The following CAMK1D variants were observed in gnomAD, a reference collection of about 807,000 sequenced individuals.
The protein encoded by CAMK1D is calcium/calmodulin dependent protein kinase ID.
A neutral mutation model predicts 47.7 loss-of-function variants in CAMK1D; 9 were observed. The ratio of observed to expected loss-of-function variants is 0.19; its 90% CI spans 0.11 to 0.33. The LOEUF (loss-of-function observed/expected upper bound fraction) is 0.33, where lower values mean the gene tolerates loss of function less well. Ranked by LOEUF, CAMK1D falls within the 10% of genes least tolerant of loss-of-function variation. The pLI is 1.00. For missense variants in CAMK1D, 291 were observed against 488.7 expected (o/e 0.60, Z 3.81); for synonymous variants, 184 against 184.9 (o/e 0.99, Z 0.04).
intron 1 of CAMK1D, among the ~76,000 whole-genome samples, chr10:12,395,907 A>G (rs1282779037): frequency 6.6e-6 from 1 of 151,664 alleles, no homozygotes; most frequent in African/African-American, 2.4e-5. Context: ...AGCCTGGGCA[A>G]CAGAGTGAGA....
chr10:12,580,198 T>C (rs1452987158), intron 2 of CAMK1D, among the ~76,000 whole-genome samples: 1 of 152,196 alleles, frequency 6.6e-6, no homozygotes, highest in Admixed American at 6.5e-5. Context: ...AGATCTGTCC[T>C]GTCTTGAGAT....
chr10:12,524,377 T>A, intron 1 of CAMK1D, among the ~76,000 whole-genome samples: 1 of 152,218 alleles, frequency 6.6e-6, no homozygotes, highest in East Asian at 1.9e-4. Context: ...GTGTTTCCTC[T>A]TCATAGTTTT....
intron 1 of CAMK1D, among the ~76,000 whole-genome samples, chr10:12,391,976 AACACACACACACACACACACAC>A (rs10659393): frequency 2.8e-5 from 4 of 143,146 alleles, no homozygotes; most frequent in Non-Finnish European, 6.1e-5. Flanking sequence ...CTTGTCTTAA[AACACACACACACACACACACAC>A]ACACACACAC....
Position 12,832,572 on chromosome 10 carries a change from C to T in CAMK1D, c.*3685C>T, listed in dbSNP as rs1379894738. 6.6e-6 allele frequency: 1 copy of T among 152,210 alleles called. No individual in the cohort carries two copies. The highest frequency in any genetic ancestry group is 1.5e-5 in the Non-Finnish European group (1 of 68,042). The allele number at this position is 152,210 out of a possible 1,614,324, so 9.4% of individuals were successfully genotyped here. A position where few individuals can be genotyped will look rare whatever the true frequency, so the allele number is the denominator to read the frequency against. ...CTGTCGGAGACTAGAAAACATTCTACCCCTTCAGGTCTTCTTTTAAAAGAA... is the reference window on the plus strand; with the variant it reads ...CTGTCGGAGACTAGAAAACATTCTATCCCTTCAGGTCTTCTTTTAAAAGAA... On this transcript the variant is annotated 3_prime_UTR_variant, in exon 11 of 11. Coordinates refer to ENST00000619168, the MANE Select transcript of CAMK1D (RefSeq NM_153498.4).
chr10:12,459,963 C>G (rs191562964), intron 1 of CAMK1D, among the ~76,000 whole-genome samples: 1 of 152,144 alleles, frequency 6.6e-6, no homozygotes, highest in Non-Finnish European at 1.5e-5. Context: ...GCCAGATTTG[C>G]GAGTCTGGGC....
chr10:12,362,389 A>T (rs114624318), intron 1 of CAMK1D, among the ~76,000 whole-genome samples: 3,598 of 152,228 alleles, frequency 0.024, 129 homozygotes, highest in African/African-American at 0.082. Flanking sequence ...TCCAGAATCA[A>T]CCTGCCGCGG....
intron 1 of CAMK1D, among the ~76,000 whole-genome samples, chr10:12,416,488 C>T (rs568012011): frequency 1.9e-4 from 29 of 152,180 alleles, no homozygotes; most frequent in Non-Finnish European, 3.4e-4. Context: ...CAAGGGTCTC[C>T]GCTCCTGTCT....
intron 1 of CAMK1D, among the ~76,000 whole-genome samples, chr10:12,424,132 A>C (rs1840148518): frequency 6.6e-6 from 1 of 152,046 alleles, no homozygotes; most frequent in South Asian, 2.1e-4. Flanking sequence ...GATAATTCCC[A>C]AGCCCCCTTT....
chr10:12,639,411 C>T (rs1207402699), intron 2 of CAMK1D, among the ~76,000 whole-genome samples: 9 of 152,208 alleles, frequency 5.9e-5, no homozygotes, highest in South Asian at 4.1e-4. Flanking sequence ...CTTGAACCCG[C>T]GAGGCGGAGG....
chr10:12,631,578 C>CT (rs1371707145), intron 2 of CAMK1D, among the ~76,000 whole-genome samples: 1 of 152,176 alleles, frequency 6.6e-6, no homozygotes, highest in Non-Finnish European at 1.5e-5. Flanking sequence ...ATAAATAACT[C>CT]TGTCTCCTTT....
rs568883598 is a variant in CAMK1D, at chr10:12,698,806, G to A, written c.299+31996G>A. Among the ~76,000 whole-genome samples the A allele has an allele frequency of 3.3e-5, 5 of 149,944 alleles. No homozygotes were observed. The South Asian group carries it at 1.1e-3, about 32-fold the overall frequency. On this transcript the variant is annotated intron_variant, in intron 3 of 10. Coordinates refer to ENST00000619168, the MANE Select transcript of CAMK1D (RefSeq NM_153498.4). ...TCCTGCCTCAGGCTCCCAAGTAACT[G>A]GGACTACAGGTACGTGCCACCACGC...
chr10:12,576,763 C>T (rs370070221), intron 2 of CAMK1D, among the ~76,000 whole-genome samples: 4 of 152,178 alleles, frequency 2.6e-5, no homozygotes, highest in South Asian at 2.1e-4. Flanking sequence ...TCCTGGTGTG[C>T]GGCCCGGTTC....
chr10:12,685,187 G>T (rs900629376), intron 3 of CAMK1D, among the ~76,000 whole-genome samples: 4 of 152,190 alleles, frequency 2.6e-5, no homozygotes, highest in Non-Finnish European at 4.4e-5. Flanking sequence ...TGTAGTCCCA[G>T]CTACTCGGGA....
At chr10:12,594,843 G>A (rs1838096710) in intron 2 of CAMK1D, among the ~76,000 whole-genome samples, 1 of 152,206 alleles carries the variant, frequency 6.6e-6, no homozygotes, top group Non-Finnish European at 1.5e-5. Context: ...GGAAGTGGTT[G>A]ACGTAGGTGG....
At chr10:12,398,429 A>C (rs947835043) in intron 1 of CAMK1D, among the ~76,000 whole-genome samples, 1 of 152,136 alleles carries the variant, frequency 6.6e-6, no homozygotes, top group Non-Finnish European at 1.5e-5. Flanking sequence ...GCTCACTGCA[A>C]CCGCTGCCTC....
Position 12,828,761 on chromosome 10 carries a change from C to T in CAMK1D, c.1040-8C>T, listed in dbSNP as rs759208190. ...AACTCTGAAGCCCACTTCTGCTGTTCCCTGCAGGTCTGGCACCTTCCACGC... is the reference window on the plus strand; with the variant it reads ...AACTCTGAAGCCCACTTCTGCTGTTTCCTGCAGGTCTGGCACCTTCCACGC... On this transcript the variant is annotated splice_region_variant and splice_polypyrimidine_tract_variant and intron_variant, in intron 10 of 10. Transcript: ENST00000619168. 1.2e-6 allele frequency: 2 copies of T among 1,603,662 alleles called. No individual in the cohort carries two copies. Among genetic ancestry groups the T allele is most frequent in the Non-Finnish European group, 1.7e-6 (2 of 1,172,228 alleles).
At chr10:12,634,459 G>A (rs1207059972) in intron 2 of CAMK1D, among the ~76,000 whole-genome samples, 1 of 152,136 alleles carries the variant, frequency 6.6e-6, no homozygotes, top group Non-Finnish European at 1.5e-5. Flanking sequence ...CCCACCCATT[G>A]TCCCGTAAGC....
At position 12,834,278 on chromosome 10, in the gene CAMK1D, G is replaced by A. The variant is rs1411865673; in HGVS notation, c.*5391G>A. 1 of 152,432 alleles carries A rather than the reference G, an allele frequency of 6.6e-6. No individual in the cohort carries two copies. The highest frequency in any genetic ancestry group is 1.5e-5 in the Non-Finnish European group (1 of 68,212). The allele number at this position is 152,432 out of a possible 1,614,324, so 9.4% of individuals were successfully genotyped here. On this transcript the variant is annotated 3_prime_UTR_variant, in exon 11 of 11. Coordinates refer to ENST00000619168, the MANE Select transcript of CAMK1D (RefSeq NM_153498.4). ...GCAGCTCTGGGCCCCCAGCCCCACT[G>A]TGAAGTCAGTCCTGCATGCTGGCCG... is the stretch of plus-strand genomic sequence containing the variant.
rs12415212 is a variant in CAMK1D at position 12,539,650 on chromosome 10, G to A, written c.93-13575G>A. ...AGAAAGGGGAGTTCCCCTCTGAAGA[G>A]CCACCCCTGCAGGGAGAAATCTGTC... is the stretch of plus-strand genomic sequence containing the variant. On this transcript the variant is annotated intron_variant, in intron 1 of 10. Coordinates refer to ENST00000619168, the MANE Select transcript of CAMK1D (RefSeq NM_153498.4). Among the ~76,000 whole-genome samples the A allele has an allele frequency of 9.2e-3, 1,394 of 152,310 alleles. 33 individuals are homozygous for A. The highest frequency in any genetic ancestry group is 0.068 in the South Asian group (330 of 4,824).
Sources: gnomAD v4.1 joint callset for allele counts (sites outside exome capture counted in the v4.1 genomes callset) on GRCh38, gnomAD v4.1.1 for gene constraint, MANE v1.5 for transcripts, NCBI Gene and HGNC (gene_info 2026-07-23, HGNC 2026-07-21) for gene names.